The following HIVEP3 variants were observed in gnomAD, a reference collection of about 807,000 sequenced individuals.
HIVEP3 encodes transcription factor HIVEP3.
A neutral mutation model predicts 152.8 loss-of-function variants in HIVEP3; 49 were observed. The observed-to-expected ratio is 0.32, with a 90% CI of 0.26 to 0.41. The LOEUF (loss-of-function observed/expected upper bound fraction) is 0.41. Ranked by LOEUF, HIVEP3 falls within the 10% of genes least tolerant of loss-of-function variation. HIVEP3 has a pLI of 1.00. For synonymous variants in HIVEP3, 1,269 were observed against 1,289.0 expected (o/e 0.98, Z 0.33); for missense variants, 2,790 against 3,103.3 (o/e 0.90, Z 2.40).
At chr1:41,780,424 G>T (rs1648974119) in intron 1 of HIVEP3, among the ~76,000 whole-genome samples, 1 of 152,236 alleles carries the variant, frequency 6.6e-6, no homozygotes, top group Non-Finnish European at 1.5e-5. Flanking sequence ...CCTGAGCCAG[G>T]TGAGTGCTGA....
rs539138024 is a variant in HIVEP3 at position 41,553,978 on chromosome 1, G to T, written c.5207+21566C>A. Among the ~76,000 whole-genome samples, 3 of 152,148 alleles carry T rather than the reference G, an allele frequency of 2.0e-5. No homozygotes were observed. In the South Asian group the frequency reaches 6.2e-4, roughly 32 times the overall value. On this transcript the variant is annotated intron_variant, in intron 5 of 8. Transcript: ENST00000372583. Reference sequence around the variant, plus strand: ...TGAATTATCAAATTGTGTGTCTTGGGGTTGCTCTTTTCAAGGAGTATCTTT... The same window carrying T: ...TGAATTATCAAATTGTGTGTCTTGGTGTTGCTCTTTTCAAGGAGTATCTTT...
intron 5 of HIVEP3, among the ~76,000 whole-genome samples, chr1:41,550,665 G>A (rs1038024814): frequency 8.5e-5 from 13 of 152,082 alleles, no homozygotes; most frequent in African/African-American, 3.1e-4. Flanking sequence ...CTCATGATTT[G>A]GCTCTCTGTT....
intron 1 of HIVEP3, among the ~76,000 whole-genome samples, chr1:41,794,127 G>A (rs1399810576): frequency 6.6e-6 from 1 of 152,144 alleles, no homozygotes; most frequent in Non-Finnish European, 1.5e-5. Flanking sequence ...GAGTTTTAAT[G>A]GACTTAGTTC....
intron 1 of HIVEP3, among the ~76,000 whole-genome samples, chr1:41,890,698 C>G (rs140539670): frequency 6.6e-6 from 1 of 152,342 alleles, no homozygotes; most frequent in Admixed American, 6.5e-5. Flanking sequence ...CCACATTTGT[C>G]TGATTCCAGA....
intron 1 of HIVEP3, among the ~76,000 whole-genome samples, chr1:41,796,723 T>A (rs940997772): frequency 6.6e-6 from 1 of 152,244 alleles, no homozygotes; most frequent in Non-Finnish European, 1.5e-5. Context: ...ACAATAAACA[T>A]GTTATTTTAT....
intron 5 of HIVEP3, among the ~76,000 whole-genome samples, chr1:41,544,825 C>A: frequency 7.2e-6 from 1 of 139,078 alleles, no homozygotes; most frequent in Non-Finnish European, 1.6e-5. Flanking sequence ...ACCTCTACCA[C>A]CACCATCACC....
chr1:42,003,694 A>T (rs376417014), intron 1 of HIVEP3, among the ~76,000 whole-genome samples: 5 of 152,044 alleles, frequency 3.3e-5, no homozygotes, highest in African/African-American at 1.2e-4. Context: ...TCTCCTTTCT[A>T]AAGAAGGATC....
intron 1 of HIVEP3, among the ~76,000 whole-genome samples, chr1:42,035,569 G>A (rs991307366): frequency 3.3e-5 from 5 of 152,202 alleles, no homozygotes; most frequent in East Asian, 1.9e-4. Flanking sequence ...GCCCGGGAAG[G>A]GGGGCTCGGG....
At chr1:41,799,136 C>T (rs998632733) in intron 1 of HIVEP3, among the ~76,000 whole-genome samples, 3 of 152,160 alleles carry the variant, frequency 2.0e-5, no homozygotes, top group African/African-American at 7.2e-5. Flanking sequence ...CTTATTTAGT[C>T]ATGAAATCTT....
intron 1 of HIVEP3, among the ~76,000 whole-genome samples, chr1:41,994,775 AAAC>A (rs1466079702): frequency 6.6e-6 from 1 of 152,168 alleles, no homozygotes; most frequent in African/African-American, 2.4e-5. Context: ...GCAAACTATA[AAAC>A]AACTATGCTT....
At chr1:42,020,503 C>A (rs1557564745) in intron 1 of HIVEP3, among the ~76,000 whole-genome samples, 1 of 151,962 alleles carries the variant, frequency 6.6e-6, no homozygotes, top group Non-Finnish European at 1.5e-5. Context: ...AAAAACTGTT[C>A]ATTATATCCT....
In HIVEP3 at chr1:41,510,746, CA is replaced by C. The variant is rs1316145813; in HGVS notation, c.6925del (p.Cys2309AlafsTer173). 6.3e-7 allele frequency: 1 copy of C among 1,575,840 alleles called. No homozygotes were observed. The highest frequency in any genetic ancestry group is 2.3e-5 in the East Asian group (1 of 43,548). On this transcript the variant is annotated frameshift_variant, in exon 9 of 9. Coordinates refer to ENST00000372583, the MANE Select transcript of HIVEP3 (RefSeq NM_024503.5). LOFTEE classifies it low-confidence loss of function (END_TRUNC). ...CCGGGGCAAGGTGTCGGGTGGGGTG[CA>C]GGGGCTGTGCGTGGGTGTGGGCTCT... is the stretch of plus-strand genomic sequence containing the variant. Reference protein sequence around the residue: ...PAEPTPTHSPCTPPDTLPRPP... With the variant: ...PAEPTPTHSPXTPPDTLPRPP...
At chr1:41,744,665 G>A (rs1021908737) in intron 1 of HIVEP3, among the ~76,000 whole-genome samples, 3 of 152,322 alleles carry the variant, frequency 2.0e-5, no homozygotes, top group South Asian at 2.1e-4. Context: ...GTGAGATTGC[G>A]GCTAAGCGTG....
chr1:41,933,218 G>A (rs1207595712), intron 1 of HIVEP3, among the ~76,000 whole-genome samples: 1 of 151,980 alleles, frequency 6.6e-6, no homozygotes, highest in Non-Finnish European at 1.5e-5. Flanking sequence ...TATTTTTGAT[G>A]ATTTTCTTTC....
At chr1:41,911,153 A>G (rs1570792869) in intron 1 of HIVEP3, among the ~76,000 whole-genome samples, 1 of 152,180 alleles carries the variant, frequency 6.6e-6, no homozygotes, top group East Asian at 1.9e-4. Flanking sequence ...CTACAAATAA[A>G]TAAGAGAGAT....
chr1:41,964,216 A>G (rs1305683195), intron 1 of HIVEP3, among the ~76,000 whole-genome samples: 3 of 152,094 alleles, frequency 2.0e-5, no homozygotes, highest in South Asian at 2.1e-4. Flanking sequence ...TGAGGTATCT[A>G]TGTTCTCTCA....
chr1:41,526,972 T>A (rs1161487055), intron 5 of HIVEP3, among the ~76,000 whole-genome samples: 1 of 41,834 alleles, frequency 2.4e-5, no homozygotes, highest in Non-Finnish European at 4.6e-5. Flanking sequence ...ATCCTCACAC[T>A]CACCTTCACA....
chr1:41,767,051 C>T (rs971977122), intron 1 of HIVEP3, among the ~76,000 whole-genome samples: 1 of 150,656 alleles, frequency 6.6e-6, no homozygotes, highest in African/African-American at 2.5e-5. Context: ...CCCCAGATCC[C>T]ACTTCCTCTG....
At chr1:41,560,360 A>AG (rs1180540754) in intron 5 of HIVEP3, among the ~76,000 whole-genome samples, 2 of 152,154 alleles carry the variant, frequency 1.3e-5, no homozygotes, top group Non-Finnish European at 2.9e-5. Flanking sequence ...CCGTGCTCAG[A>AG]GGGCAGGTCT....
Sources: allele counts gnomAD v4.1 joint callset (sites outside exome capture counted in the v4.1 genomes callset), GRCh38; gene constraint gnomAD v4.1.1; transcripts MANE v1.5; gene names NCBI Gene and HGNC (gene_info 2026-07-23, HGNC 2026-07-21).